DNAH10: variants seen among roughly 807,000 people sequenced by gnomAD.
The protein encoded by DNAH10 is dynein axonemal heavy chain 10.
In DNAH10, 348 loss-of-function variants were observed where a neutral mutation model predicts 506.6. The observed-to-expected ratio is 0.69, with a 90% CI of 0.63 to 0.75. The LOEUF (loss-of-function observed/expected upper bound fraction) is 0.75, where lower values mean the gene tolerates loss of function less well. Ranked by LOEUF, DNAH10 falls within the 30% of genes least tolerant of loss-of-function variation. DNAH10 has a pLI of 0.00. For missense variants in DNAH10, 5,179 were observed against 5,787.1 expected, an observed-to-expected ratio of 0.89 and a Z score of 3.41; for synonymous variants, 2,059 against 2,198.6, an observed-to-expected ratio of 0.94 and a Z score of 1.78.
intron 62 of DNAH10, among the ~76,000 whole-genome samples, 197 bp downstream of exon 62, chr12:123,915,196 C>T (rs1180559554): frequency 2.7e-5 from 4 of 149,280 alleles, no homozygotes; most frequent in African/African-American, 5.1e-5. Context: ...CAGCTCAAAC[C>T]GCCATGAACT....
intron 47 of DNAH10, 24 bp from the exon 48 acceptor site, chr12:123,877,712 G>GC (rs756955081): frequency 1.2e-6 from 2 of 1,601,334 alleles, no homozygotes; most frequent in Non-Finnish European, 1.7e-6. Flanking sequence ...TGTGTGTTGG[G>GC]GGGGGTGTCT....
chr12:123,893,053 G>A (rs1390641288), intron 52 of DNAH10, among the ~76,000 whole-genome samples, 180 bp from the exon 53 acceptor site: 1 of 152,232 alleles, frequency 6.6e-6, no homozygotes, highest in African/African-American at 2.4e-5. Flanking sequence ...GACAGGAGCT[G>A]GAGGCTCTAA....
chr12:123,885,613 C>T (rs1343301388), intron 51 of DNAH10, among the ~76,000 whole-genome samples: 1 of 152,100 alleles, frequency 6.6e-6, no homozygotes, highest in African/African-American at 2.4e-5. Flanking sequence ...GAGTTTGCCT[C>T]TTTGGAGTGG....
rs187843167 is a variant in DNAH10, at chr12:123,845,548, G to T, written c.5361-52G>T. 73 of 1,593,290 alleles carry T rather than the reference G, an allele frequency of 4.6e-5. 1 individual carries two copies. The South Asian group carries it at 8.0e-4, about 17-fold the overall frequency. On this transcript the variant is annotated intron_variant, in intron 30 of 78. Coordinates refer to ENST00000673944, the MANE Select transcript of DNAH10 (RefSeq NM_001372106.1). ...TAAATTCCTGAAGGGACTGTTTTGGGTACCAGTCCCCGGATTGATCAGAGC... is the reference window on the plus strand; with the variant it reads ...TAAATTCCTGAAGGGACTGTTTTGGTTACCAGTCCCCGGATTGATCAGAGC...
In DNAH10 at chr12:123,808,905, C is replaced by A. The variant is rs776810809; in HGVS notation, c.3096C>A (p.Ile1032=). 6.2e-7 allele frequency: 1 copy of A among 1,614,158 alleles called. No homozygotes were observed. The highest frequency in any genetic ancestry group is 8.5e-7 in the Non-Finnish European group (1 of 1,180,022). ...TCCTTCATCCCAACACAAATGAGATCGACAAGATGTGCTTCCATTGTGTCC... is the reference window on the plus strand; with the variant it reads ...TCCTTCATCCCAACACAAATGAGATAGACAAGATGTGCTTCCATTGTGTCC... ...EIILHPNTNE[I]DKMCFHCVRN... The change falls in exon 19 of 79, where the codon ATC becomes ATA. Residue 1032 remains isoleucine (I), a synonymous_variant. Coordinates refer to ENST00000673944, the MANE Select transcript of DNAH10 (RefSeq NM_001372106.1).
At position 123,835,302 on chromosome 12, in the gene DNAH10, C is replaced by T. The variant is rs1039941737; in HGVS notation, c.4780-104C>T. The T allele has an allele frequency of 4.4e-6, 6 of 1,366,724 alleles. No individual in the cohort carries two copies. The African/African-American group carries it at 8.7e-5, about 20-fold the overall frequency. 84.7% of individuals were successfully genotyped at this position (1,366,724 alleles called of 1,614,324 possible). On this transcript the variant is annotated intron_variant, in intron 27 of 78. Coordinates refer to ENST00000673944, the MANE Select transcript of DNAH10 (RefSeq NM_001372106.1). ...TCACCTTGCCTGGAAGGTCCTCCCA[C>T]CTGAGTTGATTTGGTTCTGTCTCAT...
At chr12:123,921,389 C>G (rs1954714952) in intron 65 of DNAH10, among the ~76,000 whole-genome samples, 1 of 152,196 alleles carries the variant, frequency 6.6e-6, no homozygotes, top group Admixed American at 6.5e-5. Flanking sequence ...GCCTGGTGTT[C>G]CCCCGTCCAG....
At chr12:123,767,753 G>A in intron 2 of DNAH10, 64 bp downstream of exon 2, 4 of 1,388,242 alleles carry the variant, frequency 2.9e-6, no homozygotes, top group Non-Finnish European at 4.0e-6. Flanking sequence ...GCGGGAGTAG[G>A]GTGCTGCCTG....
chr12:123,771,532 G>A, intron 2 of DNAH10, 69 bp from the exon 3 acceptor site: 1 of 1,296,864 alleles, frequency 7.7e-7, no homozygotes, highest in Non-Finnish European at 1.1e-6. Flanking sequence ...ACAAAATGCA[G>A]GGCTGCTCTT....
chr12:123,857,722 G>A (rs762974044), intron 37 of DNAH10, among the ~76,000 whole-genome samples: 16 of 152,152 alleles, frequency 1.1e-4, no homozygotes, highest in Admixed American at 2.0e-4. Context: ...GCGAGACTCC[G>A]TCTCAAAAAA....
At position 123,768,959 on chromosome 12, in the gene DNAH10, G is replaced by A. The variant is rs568281885; in HGVS notation, c.298+1270G>A. Among the ~76,000 whole-genome samples the A allele has an allele frequency of 3.8e-4, 58 of 152,074 alleles. 1 individual carries two copies. Among genetic ancestry groups the A allele is most frequent in the African/African-American group, 1.3e-3 (55 of 41,466 alleles). On this transcript the variant is annotated intron_variant, in intron 2 of 78. Coordinates refer to ENST00000673944, the MANE Select transcript of DNAH10 (RefSeq NM_001372106.1). ...TCACTATGTTGCCCAGGCTGGTCTTGAAGTCCTGGGCTCAGGCAGTTCTCC... is the reference window on the plus strand; with the variant it reads ...TCACTATGTTGCCCAGGCTGGTCTTAAAGTCCTGGGCTCAGGCAGTTCTCC...
At chr12:123,771,785 C>G (rs1555212819) in intron 3 of DNAH10, 87 bp downstream of exon 3, 6 of 1,108,724 alleles carry the variant, frequency 5.4e-6, no homozygotes, top group Non-Finnish European at 2.6e-6. Context: ...TAGCCCCATC[C>G]AAGGGATTTA....
chr12:123,857,144 A>T lies in DNAH10; in HGVS notation c.6527A>T (p.Asp2176Val). The T allele has an allele frequency of 6.2e-7, 1 of 1,611,662 alleles. No homozygotes were observed. ...DVPLFLGLIS[D>V]LFPGLDCPRV... ...CCTCTTTTCCTTGGTTTGATTTCGGATCTGTTTCCTGGGCTGGACTGCCCT... is the reference window on the plus strand; with the variant it reads ...CCTCTTTTCCTTGGTTTGATTTCGGTTCTGTTTCCTGGGCTGGACTGCCCT... Residue 2176 changes from aspartate (D) to valine (V), a missense_variant, in exon 37 of 79, where the codon GAT (aspartate) becomes GTT (valine). By Grantham distance (152) the Asp-to-Val change is radical. Around this residue, in one of 3 missense-constraint regions of DNAH10, gnomAD observed 4,844 missense variants for 5,430.5 expected, o/e 0.89. Transcript: ENST00000673944.
Position 123,795,931 on chromosome 12 carries a change from A to G in DNAH10, c.1987-725A>G, listed in dbSNP as rs74836260. Among the ~76,000 whole-genome samples the G allele has an allele frequency of 6.4e-3, 967 of 152,242 alleles. 19 individuals are homozygous for G. The highest frequency in any genetic ancestry group is 0.022 in the African/African-American group (901 of 41,548). On this transcript the variant is annotated intron_variant, in intron 12 of 78. Coordinates refer to ENST00000673944, the MANE Select transcript of DNAH10 (RefSeq NM_001372106.1). ...GGGGATGGACACCCCATTCTCCATG[A>G]TGTGGTTATTATGCATAGCATGTTT...
intron 40 of DNAH10, 28 bp downstream of exon 40, chr12:123,864,758 A>T (rs774030640): frequency 9.5e-6 from 15 of 1,583,800 alleles, no homozygotes; most frequent in African/African-American, 1.4e-5. Flanking sequence ...GTAAATTTGA[A>T]CATAAATCTT....
chr12:123,794,729 T>C (rs1958211594), intron 12 of DNAH10, among the ~76,000 whole-genome samples: 1 of 151,686 alleles, frequency 6.6e-6, no homozygotes, highest in Admixed American at 6.6e-5. Context: ...ACCTATGGTC[T>C]CAGCTACTTG....
intron 77 of DNAH10, among the ~76,000 whole-genome samples, chr12:123,933,851 C>T (rs372063562): frequency 2.3e-4 from 35 of 152,328 alleles, no homozygotes; most frequent in African/African-American, 6.7e-4. Flanking sequence ...TAACCCCTGA[C>T]GGGGCCAGGG....
At position 123,785,906 on chromosome 12, in the gene DNAH10, G is replaced by T. The variant is rs758664225; in HGVS notation, c.1391G>T (p.Cys464Phe). 1 of 1,613,730 alleles carries T rather than the reference G, an allele frequency of 6.2e-7. No individual in the cohort carries two copies. The highest frequency in any genetic ancestry group is 8.5e-7 in the Non-Finnish European group (1 of 1,179,616). Residue 464 changes from cysteine to phenylalanine, a missense_variant, in exon 9 of 79, where the codon TGC becomes TTC. This residue lies in a region of DNAH10 where 4,844 missense variants were observed against 5,430.5 expected (regional missense o/e 0.89). Transcript: ENST00000673944. This position sits in a 1 kb window ranked among gnomAD's most constrained non-coding sequence, Gnocchi z 4.1. ...RIAWEIAERV[C>F]RVVNLRTLFK... ...GCCTGGGAAATCGCTGAGAGAGTCT[G>T]CCGAGTGGTCAACCTGCGGACTTTG...
Position 123,935,461 on chromosome 12 carries a change from C to T in DNAH10, c.13750C>T (p.Leu4584Phe). The part of the protein sequence containing the change: ...ISHWVLQGVC[L>F]TLNSD ...TCACTGGGTGCTGCAAGGAGTATGC[C>T]TCACCCTGAATTCTGATTAACCTTT... Residue 4584 changes from leucine to phenylalanine, a missense_variant, in exon 79 of 79, where the codon CTC becomes TTC. Leu to Phe is a conservative substitution (Grantham distance 22, BLOSUM62 0). Coordinates refer to ENST00000673944, the MANE Select transcript of DNAH10 (RefSeq NM_001372106.1). 6.3e-7 allele frequency: 1 copy of T among 1,594,570 alleles called. No individual in the cohort carries two copies. Among genetic ancestry groups the T allele is most frequent in the South Asian group, 1.1e-5 (1 of 90,334 alleles).
Sources: allele counts gnomAD v4.1 joint callset (sites outside exome capture counted in the v4.1 genomes callset), GRCh38; gene constraint gnomAD v4.1.1; regional missense constraint gnomAD v4.1.1; non-coding constraint Gnocchi (gnomAD v3.1); transcripts MANE v1.5; gene names NCBI Gene and HGNC (gene_info 2026-07-23, HGNC 2026-07-21).